HACD2: variants seen among roughly 807,000 people sequenced by gnomAD.
HACD2 encodes 3-hydroxyacyl-CoA dehydratase 2, also known as very-long-chain (3R)-3-hydroxyacyl-CoA dehydratase 2.
HACD2 carries 15 observed loss-of-function variants against 31.0 expected under a neutral mutation model. The ratio of observed to expected loss-of-function variants is 0.48; its 90% CI spans 0.32 to 0.75. The LOEUF (loss-of-function observed/expected upper bound fraction) is 0.75, where lower values mean the gene tolerates loss of function less well. HACD2 is among the 30% of genes least tolerant of loss of function. The probability of loss-of-function intolerance (pLI) is 0.03; values close to 1 mark genes in which losing one functional copy is unlikely to be tolerated. For missense variants in HACD2, 283 were observed against 313.0 expected (o/e 0.90, Z 0.72); for synonymous variants, 115 against 122.2 (o/e 0.94, Z 0.39).
chr3:123,496,421 C>G (rs892556330), intron 6 of HACD2, among the ~76,000 whole-genome samples: 1 of 152,138 alleles, frequency 6.6e-6, no homozygotes, highest in Admixed American at 6.5e-5. Context: ...TAAATGGGTT[C>G]CAAGCTGGCC....
rs1012950014 is a variant in HACD2, at chr3:123,502,646, A to G, written c.417T>C (p.Ile139=). The G allele has an allele frequency of 6.2e-6, 10 of 1,606,186 alleles. No individual in the cohort carries two copies. Among genetic ancestry groups the G allele is most frequent in the Non-Finnish European group, 7.7e-6 (9 of 1,176,186 alleles). Residue 139 remains isoleucine (I), a synonymous_variant, in exon 5 of 7, where the codon ATT becomes ATC. Coordinates refer to ENST00000383657, the MANE Select transcript of HACD2 (RefSeq NM_198402.5). ...GGATGATTTCCGTGATCGTCCATGCAATAACAAACAGGAGGACACTGTCTT... is the reference window on the plus strand; with the variant it reads ...GGATGATTTCCGTGATCGTCCATGCGATAACAAACAGGAGGACACTGTCTT... The part of the protein sequence containing the change: ...QSEDSVLLFV[I]AWTITEIIRY...
At chr3:123,503,136 A>G (rs375816851) in intron 4 of HACD2, among the ~76,000 whole-genome samples, 1 of 152,150 alleles carries the variant, frequency 6.6e-6, no homozygotes. Context: ...GTGGTGGCGT[A>G]TGCCTGTAAT....
intron 3 of HACD2, among the ~76,000 whole-genome samples, chr3:123,553,118 G>T (rs2056637443): frequency 6.6e-6 from 1 of 152,186 alleles, no homozygotes; most frequent in African/African-American, 2.4e-5. Flanking sequence ...GGCCTATTGG[G>T]TATCTGGGAA....
rs937017101 is a variant in HACD2, at chr3:123,493,259, G to A, written c.*1629C>T. The A allele has an allele frequency of 9.2e-5, 14 of 152,288 alleles. No homozygotes were observed. The highest frequency in any genetic ancestry group is 2.9e-4 in the African/African-American group (12 of 41,474). The allele number at this position is 152,288 out of a possible 1,614,324, so 9.4% of individuals were successfully genotyped here. On this transcript the variant is annotated 3_prime_UTR_variant, in exon 7 of 7. Coordinates refer to ENST00000383657, the MANE Select transcript of HACD2 (RefSeq NM_198402.5). ...TAGTCCCAGCTACTCAGGAGGCTGA[G>A]GCAGGAGGATGGCGTGAACCCGGGA... is the stretch of plus-strand genomic sequence containing the variant.
At chr3:123,554,120 C>T (rs985169523) in intron 3 of HACD2, among the ~76,000 whole-genome samples, 2 of 122 alleles carry the variant, frequency 0.016, no homozygotes, top group Admixed American at 0.14. Flanking sequence ...TATATATTAT[C>T]CTTCATCCAA....
At chr3:123,500,896 C>T (rs148758459) in intron 5 of HACD2, among the ~76,000 whole-genome samples, 7 of 152,270 alleles carry the variant, frequency 4.6e-5, no homozygotes, top group Admixed American at 3.9e-4. Context: ...AATGTTCTAA[C>T]GACAAAATAA....
intron 6 of HACD2, among the ~76,000 whole-genome samples, chr3:123,498,738 G>A (rs1024627331): frequency 6.6e-6 from 1 of 152,200 alleles, no homozygotes; most frequent in South Asian, 2.1e-4. Context: ...AAAGACAGCT[G>A]GCTCTGGGGT....
chr3:123,559,225 CCTTA>C (rs1044853109), intron 3 of HACD2, among the ~76,000 whole-genome samples: 1 of 152,136 alleles, frequency 6.6e-6, no homozygotes, highest in Admixed American at 6.5e-5. Flanking sequence ...AGAAAAATCT[CCTTA>C]CTAATACAAG....
At chr3:123,563,376 T>C (rs528177466) in intron 3 of HACD2, among the ~76,000 whole-genome samples, 63 of 151,996 alleles carry the variant, frequency 4.1e-4, no homozygotes, top group Non-Finnish European at 7.8e-4. Flanking sequence ...CAGATGAGCA[T>C]GGAGTGGGAG....
In HACD2 at chr3:123,500,506, TTTAC is replaced by T; in HGVS notation, c.682+5_682+8del. The T allele has an allele frequency of 6.4e-7, 1 of 1,570,676 alleles. No homozygotes were observed. Among genetic ancestry groups the T allele is most frequent in the Non-Finnish European group, 8.7e-7 (1 of 1,148,612 alleles). The stretch of plus-strand genomic sequence containing the variant: ...ACATAATTAAATATACGCATAACTG[TTTAC>T]TTACTTGGAATGTAGGAGATCATTA... On this transcript the variant is annotated splice_donor_5th_base_variant and intron_variant, in intron 6 of 6. Transcript: ENST00000383657.
chr3:123,495,671 T>C (rs902190111), intron 6 of HACD2, among the ~76,000 whole-genome samples: 5 of 152,066 alleles, frequency 3.3e-5, no homozygotes, highest in African/African-American at 7.2e-5. Context: ...TTCTTGGTCA[T>C]TTTGTAGAAT....
chr3:123,505,962 C>G (rs1203531835), intron 4 of HACD2, among the ~76,000 whole-genome samples: 1 of 152,218 alleles, frequency 6.6e-6, no homozygotes, highest in Non-Finnish European at 1.5e-5. Context: ...ACCAGGACTG[C>G]CCAGGAAGGT....
At chr3:123,537,820 C>A (rs1200068791) in intron 3 of HACD2, among the ~76,000 whole-genome samples, 1 of 151,934 alleles carries the variant, frequency 6.6e-6, no homozygotes, top group Non-Finnish European at 1.5e-5. Flanking sequence ...TTAAACTCTC[C>A]TCTTTATACT....
intron 2 of HACD2, among the ~76,000 whole-genome samples, chr3:123,579,972 A>T (rs1199459155): frequency 6.6e-6 from 1 of 152,198 alleles, no homozygotes; most frequent in Non-Finnish European, 1.5e-5. Flanking sequence ...GACTTGCCCA[A>T]ATCTATAGAG....
At chr3:123,525,675 T>G (rs2056272866) in intron 4 of HACD2, among the ~76,000 whole-genome samples, 1 of 152,174 alleles carries the variant, frequency 6.6e-6, no homozygotes, top group East Asian at 1.9e-4. Flanking sequence ...CAAATTCACA[T>G]GTAATGTGAT....
intron 4 of HACD2, among the ~76,000 whole-genome samples, chr3:123,526,467 C>T (rs1390457475): frequency 6.6e-6 from 1 of 150,800 alleles, no homozygotes; most frequent in Non-Finnish European, 1.5e-5. Context: ...GATGGGAAGA[C>T]AATAAAATAT....
chr3:123,577,664 T>C (rs183915778), intron 2 of HACD2, among the ~76,000 whole-genome samples: 9 of 151,754 alleles, frequency 5.9e-5, no homozygotes, highest in African/African-American at 2.2e-4. Flanking sequence ...ATAATTACAG[T>C]CTTATGTTAA....
intron 3 of HACD2, among the ~76,000 whole-genome samples, chr3:123,549,663 G>T (rs7650050): frequency 0.057 from 8,627 of 152,136 alleles, 812 homozygotes; most frequent in African/African-American, 0.2. Flanking sequence ...TGGAAAGATT[G>T]CTTGAGCCTG....
chr3:123,533,105 C>G (rs1449570914), intron 3 of HACD2, among the ~76,000 whole-genome samples: 1 of 152,162 alleles, frequency 6.6e-6, no homozygotes, highest in Non-Finnish European at 1.5e-5. Flanking sequence ...GTATGAGCTA[C>G]CACAAATCGT....
Sources: allele counts gnomAD v4.1 joint callset (sites outside exome capture counted in the v4.1 genomes callset), GRCh38; gene constraint gnomAD v4.1.1; transcripts MANE v1.5; gene names NCBI Gene and HGNC (gene_info 2026-07-23, HGNC 2026-07-21).